KHSRP: variants seen among roughly 807,000 people sequenced by gnomAD.
KHSRP encodes KH-type splicing regulatory protein.
Under a neutral mutation model 94.9 loss-of-function variants are expected in KHSRP, and 13 were observed. The ratio of observed to expected loss-of-function variants is 0.14; its 90% CI spans 0.09 to 0.22. KHSRP has a LOEUF of 0.22. Ranked by LOEUF, KHSRP falls within the 10% of genes least tolerant of loss-of-function variation. KHSRP has a pLI of 1.00. For synonymous variants in KHSRP, 495 were observed against 401.4 expected (o/e 1.23, Z -2.79); for missense variants, 710 against 1,010.0 (o/e 0.70, Z 4.03).
chr19:6,421,196 G>A (rs2092192892), intron 4 of KHSRP, 82 bp downstream of exon 4: 1 of 1,332,378 alleles, frequency 7.5e-7, no homozygotes, highest in African/African-American at 1.5e-5. Context: ...TGTGCCCCCA[G>A]TCAGAGCCCT....
intron 3 of KHSRP, 144 bp from the exon 4 acceptor site, chr19:6,421,461 C>T (rs894487813): frequency 2.1e-4 from 215 of 1,009,302 alleles, no homozygotes; most frequent in Admixed American, 5.9e-4. Flanking sequence ...GGATTCCTCC[C>T]CATAAAAGCA....
chr19:6,415,983 G>A, intron 15 of KHSRP, 87 bp from the exon 16 acceptor site: 1 of 863,396 alleles, frequency 1.2e-6, no homozygotes, highest in East Asian at 2.8e-5. Flanking sequence ...TTTTCAGTGG[G>A]GAGGCGCCAG....
chr19:6,417,115 C>T, intron 11 of KHSRP, 28 bp from the exon 12 acceptor site: 1 of 1,568,226 alleles, frequency 6.4e-7, no homozygotes, highest in South Asian at 1.1e-5. Flanking sequence ...AGAGCAGAGA[C>T]ACAAGTTTAA....
rs1396653241 is a variant in KHSRP, at chr19:6,414,313, A to C, written c.*711T>G. Reference sequence around the variant, plus strand: ...GGTGCTCGCGGGACTCGCTGAAGTCACGCTGCTCCCTGATGGAGAAGGAGG... The same window carrying C: ...GGTGCTCGCGGGACTCGCTGAAGTCCCGCTGCTCCCTGATGGAGAAGGAGG... On this transcript the variant is annotated 3_prime_UTR_variant, in exon 19 of 19. Coordinates refer to ENST00000600480, the MANE Select transcript of KHSRP (RefSeq NM_001366299.1). 2.1e-6 allele frequency: 3 copies of C among 1,398,278 alleles called. No homozygotes were observed. Among genetic ancestry groups the C allele is most frequent in the African/African-American group, 1.5e-5 (1 of 68,600 alleles). 86.6% of individuals were successfully genotyped at this position (1,398,278 alleles called of 1,614,324 possible).
intron 1 of KHSRP, among the ~76,000 whole-genome samples, chr19:6,423,219 T>C (rs117695053): frequency 0.034 from 5,156 of 152,260 alleles, 119 homozygotes; most frequent in Non-Finnish European, 0.052. Context: ...GTGGAGGCTG[T>C]GGTGTGCTGA....
Position 6,413,470 on chromosome 19 carries a change from A to G in KHSRP, c.*1554T>C. 2.6e-6 allele frequency: 1 copy of G among 389,908 alleles called. No individual in the cohort carries two copies. Among genetic ancestry groups the G allele is most frequent in the African/African-American group, 2.2e-5 (1 of 46,284 alleles). 24.2% of individuals were successfully genotyped at this position (389,908 alleles called of 1,614,324 possible). ...TTCAATCTCCTCTTGAACAGATGAA[A>G]AGACAACAGACCAGTCCTGGGAGGG... On this transcript the variant is annotated 3_prime_UTR_variant, in exon 19 of 19. Transcript: ENST00000600480.
Position 6,418,219 on chromosome 19 carries a change from T to A in KHSRP, c.880-140A>T, listed in dbSNP as rs2092167409. ...ACAGCACCCTACTGAGCTCTCTACCTGCCACTTTAATGGGGAGGCACTACC... is the reference window on the plus strand; with the variant it reads ...ACAGCACCCTACTGAGCTCTCTACCAGCCACTTTAATGGGGAGGCACTACC... On this transcript the variant is annotated intron_variant, in intron 9 of 18. Transcript: ENST00000600480. The surrounding 1 kb of genome is among the most constrained non-coding windows in gnomAD (Gnocchi z 4.3). 5 of 728,980 alleles carry A rather than the reference T, an allele frequency of 6.9e-6. No individual in the cohort carries two copies. The highest frequency in any genetic ancestry group is 1.2e-5 in the Non-Finnish European group (5 of 425,154). 45.2% of individuals were successfully genotyped at this position (728,980 alleles called of 1,614,324 possible). A position where few individuals can be genotyped will look rare whatever the true frequency, so the allele number is the denominator to read the frequency against.
At chr19:6,417,958 G>A (rs2092164083) in intron 10 of KHSRP, 23 bp downstream of exon 10, 13 of 1,610,642 alleles carry the variant, frequency 8.1e-6, no homozygotes, top group South Asian at 1.1e-5. Context: ...GGAGAGGGGG[G>A]TGAAGGCAGG....
Position 6,424,518 on chromosome 19 carries a change from G to T in KHSRP, c.184C>A (p.Pro62Thr). Residue 62 changes from proline (P) to threonine (T), a missense_variant, in exon 1 of 19, where the codon CCC becomes ACC. Pro to Thr is a conservative substitution (Grantham distance 38). This residue lies in a region of KHSRP where 92 missense variants were observed against 80.8 expected (regional missense o/e 1.14). Transcript: ENST00000600480. ...GGSAGGPSQP[P>T]GGGGPGIRKD... is the part of the protein sequence containing the mutation. ...CGGATTCCCGGGCCGCCTCCGCCGG[G>T]TGGCTGAGAGGGGCCCCCGGCCGAC... The T allele has an allele frequency of 2.5e-5, 25 of 985,724 alleles. No homozygotes were observed. Among genetic ancestry groups the T allele is most frequent in the Non-Finnish European group, 3.0e-5 (25 of 831,642 alleles). 61.1% of individuals were successfully genotyped at this position (985,724 alleles called of 1,614,324 possible).
intron 6 of KHSRP, 78 bp downstream of exon 6, chr19:6,419,995 G>A (rs1388461325): frequency 8.9e-7 from 1 of 1,123,854 alleles, no homozygotes; most frequent in Non-Finnish European, 1.3e-6. Flanking sequence ...CAGTCCCCGT[G>A]GAAATTAAGT....
rs1353133320 is a variant in KHSRP, at chr19:6,413,915, T to C, written c.*1109A>G. ...GATCCCAATTTTGAAAGAAAAAGCATGTGAGACACAGAACAGGCGAGAGAG... is the reference window on the plus strand; with the variant it reads ...GATCCCAATTTTGAAAGAAAAAGCACGTGAGACACAGAACAGGCGAGAGAG... On this transcript the variant is annotated 3_prime_UTR_variant, in exon 19 of 19. Transcript: ENST00000600480. 4.0e-5 allele frequency: 21 copies of C among 523,872 alleles called. No homozygotes were observed. Among genetic ancestry groups the C allele is most frequent in the Non-Finnish European group, 5.5e-5 (18 of 326,712 alleles). 32.5% of individuals were successfully genotyped at this position (523,872 alleles called of 1,614,324 possible).
rs1030504399 is a variant in KHSRP, at chr19:6,415,056, C to T, written c.2212G>A (p.Gly738Arg). 4 of 1,556,164 alleles carry T rather than the reference C, an allele frequency of 2.6e-6. No individual in the cohort carries two copies. The highest frequency in any genetic ancestry group is 1.9e-5 in the Admixed American group (1 of 51,800). ...TVHPALVGSAGNPFPCGVCP is the reference protein window; with the variant it reads ...TVHPALVGSARNPFPCGVCP ...CACACCCCGCAGGGGAAGGGGTTTC[C>T]GGCGCTACCCACTAAGGCAGGATGG... is the stretch of plus-strand genomic sequence containing the variant. Residue 738 changes from glycine to arginine, a missense_variant, in exon 19 of 19, where the codon GGA becomes AGA. Gly to Arg is a moderately radical substitution (Grantham distance 125). This residue lies in a region of KHSRP where 292 missense variants were observed against 340.5 expected (regional missense o/e 0.86). Coordinates refer to ENST00000600480, the MANE Select transcript of KHSRP (RefSeq NM_001366299.1).
intron 1 of KHSRP, among the ~76,000 whole-genome samples, chr19:6,423,214 G>A (rs2092205792): frequency 6.6e-6 from 1 of 152,192 alleles, no homozygotes; most frequent in Non-Finnish European, 1.5e-5. Flanking sequence ...GAGAGGTGGA[G>A]GCTGTGGTGT....
intron 6 of KHSRP, 108 bp downstream of exon 6, chr19:6,419,965 G>A (rs757016470): frequency 3.6e-6 from 3 of 831,990 alleles, no homozygotes; most frequent in South Asian, 1.5e-5. Context: ...ACCAACAAGC[G>A]CCAGCTCGCT....
Position 6,415,648 on chromosome 19 carries a change from G to A in KHSRP, c.1774C>T (p.Pro592Ser), listed in dbSNP as rs761119036. The A allele has an allele frequency of 1.3e-6, 2 of 1,537,664 alleles. No individual in the cohort carries two copies. Among genetic ancestry groups the A allele is most frequent in the Non-Finnish European group, 1.7e-6 (2 of 1,143,290 alleles). Residue 592 changes from proline (P) to serine (S), a missense_variant, in exon 17 of 19, where the codon CCC becomes TCC. Physicochemically the swap from Pro to Ser is moderately conservative, Grantham distance 74. Transcript: ENST00000600480. ...GCCGCAGGGGCCGGTGCGGGGCCGG[G>A]GACGGGGCCCGGGGGCTGCTGGTAG... ...HYYQQPPGPV[P>S]GPAPAPAAPP...
At position 6,421,049 on chromosome 19, in the gene KHSRP, A is replaced by G. The variant is rs1316403625; in HGVS notation, c.425+229T>C. The G allele has an allele frequency of 5.2e-6, 3 of 572,438 alleles. No homozygotes were observed. In the Admixed American group the frequency reaches 9.6e-5, roughly 18 times the overall value. 35.5% of individuals were successfully genotyped at this position (572,438 alleles called of 1,614,324 possible). On this transcript the variant is annotated intron_variant, in intron 4 of 18. Coordinates refer to ENST00000600480, the MANE Select transcript of KHSRP (RefSeq NM_001366299.1). ...AGCCATAGGGTGCGGAGACCACCCT[A>G]TCACTACAGTGACTGCCACGACGCT...
chr19:6,415,240 G>T lies in KHSRP; in HGVS notation c.2028C>A (p.Ala676=). 6.2e-7 allele frequency: 1 copy of T among 1,612,764 alleles called. No individual in the cohort carries two copies. Among genetic ancestry groups the T allele is most frequent in the Non-Finnish European group, 8.5e-7 (1 of 1,179,828 alleles). Residue 676 remains alanine (A), a synonymous_variant, in exon 19 of 19, where the codon GCC becomes GCA. Transcript: ENST00000600480. ...APPGSQPDYS[A]AWAEYYRQQA... ...GCTGTCTGTAATATTCCGCCCAGGC[G>T]GCACTGTAGTCTGGCTGGGAGCCTG...
At position 6,418,961 on chromosome 19, in the gene KHSRP, G is replaced by A; in HGVS notation, c.606-85C>T. On this transcript the variant is annotated intron_variant, in intron 7 of 18. Coordinates refer to ENST00000600480, the MANE Select transcript of KHSRP (RefSeq NM_001366299.1). This position sits in a 1 kb window ranked among gnomAD's most constrained non-coding sequence, Gnocchi z 4.3. Reference sequence around the variant, plus strand: ...GGTGGCCCACCCAGCTCAAAGGGAAGGCGACCCCAGAGTGTGCAAGGATGA... The same window carrying A: ...GGTGGCCCACCCAGCTCAAAGGGAAAGCGACCCCAGAGTGTGCAAGGATGA... The A allele has an allele frequency of 6.6e-6, 9 of 1,370,450 alleles. No homozygotes were observed. The highest frequency in any genetic ancestry group is 8.7e-6 in the Non-Finnish European group (9 of 1,033,262). The allele number at this position is 1,370,450 out of a possible 1,614,324, so 84.9% of individuals were successfully genotyped here. A position where few individuals can be genotyped will look rare whatever the true frequency, so the allele number is the denominator to read the frequency against.
In KHSRP at chr19:6,418,277, G is replaced by A. The variant is rs2092168041; in HGVS notation, c.880-198C>T. Among the ~76,000 whole-genome samples the A allele has an allele frequency of 6.6e-6, 1 of 152,136 alleles. No individual in the cohort carries two copies. The highest frequency in any genetic ancestry group is 2.4e-5 in the African/African-American group (1 of 41,422). ...CCGTTTCCAGATAAAAAAGCAGAAG[G>A]TCAGAGGTGAGGCCGGTGCCTCACA... is the stretch of plus-strand genomic sequence containing the variant. On this transcript the variant is annotated intron_variant, in intron 9 of 18. Coordinates refer to ENST00000600480, the MANE Select transcript of KHSRP (RefSeq NM_001366299.1). This position sits in a 1 kb window ranked among gnomAD's most constrained non-coding sequence, Gnocchi z 4.3.
Sources: gnomAD v4.1 joint callset for allele counts (sites outside exome capture counted in the v4.1 genomes callset) on GRCh38, gnomAD v4.1.1 for gene constraint, gnomAD v4.1.1 regional missense constraint, Gnocchi (gnomAD v3.1) non-coding constraint, MANE v1.5 for transcripts, NCBI Gene and HGNC (gene_info 2026-07-23, HGNC 2026-07-21) for gene names.